Variants in ARHGAP42 observed in about 807,000 individuals in gnomAD.
The protein encoded by ARHGAP42 is rho GTPase-activating protein 42.
In ARHGAP42, 63 loss-of-function variants were observed where a neutral mutation model predicts 125.0. The ratio of observed to expected loss-of-function variants is 0.50; its 90% CI spans 0.41 to 0.62. ARHGAP42 has a LOEUF of 0.62. Among genes scored for constraint, ARHGAP42 ranks in the 20% least tolerant of loss-of-function variants. The probability of loss-of-function intolerance (pLI) is 0.00; values close to 1 mark genes in which losing one functional copy is unlikely to be tolerated. For missense variants in ARHGAP42, 766 were observed against 1,024.2 expected (o/e 0.75, Z 3.44); for synonymous variants, 339 against 351.0 (o/e 0.97, Z 0.38).
intron 3 of ARHGAP42, among the ~76,000 whole-genome samples, chr11:100,813,642 C>T (rs1328822041): frequency 2.6e-5 from 4 of 152,064 alleles, no homozygotes; most frequent in Admixed American, 2.0e-4. Context: ...CCAGGGTCCG[C>T]CATGTGGTTA....
In ARHGAP42 at chr11:100,687,595, C is replaced by A. The variant is rs1257021764; in HGVS notation, c.-84C>A. 4.2e-5 allele frequency: 47 copies of A among 1,123,190 alleles called. No homozygotes were observed. Among genetic ancestry groups the A allele is most frequent in the Non-Finnish European group, 5.1e-5 (46 of 903,528 alleles). 69.6% of individuals were successfully genotyped at this position (1,123,190 alleles called of 1,614,324 possible). On this transcript the variant is annotated 5_prime_UTR_variant, in exon 1 of 24. Coordinates refer to ENST00000298815, the MANE Select transcript of ARHGAP42 (RefSeq NM_152432.4). The stretch of plus-strand genomic sequence containing the variant: ...CGCCTTCCCCGCGATCGCGCGACCC[C>A]AGCGCCCGCCGCGGCCGCCGGCTGC...
chr11:100,948,145 T>C (rs541564980), intron 10 of ARHGAP42, among the ~76,000 whole-genome samples: 1 of 152,196 alleles, frequency 6.6e-6, no homozygotes, highest in South Asian at 2.1e-4. Flanking sequence ...TGTAACTTTT[T>C]CATCCTTTTT....
At chr11:100,731,861 G>T (rs1355073404) in intron 1 of ARHGAP42, among the ~76,000 whole-genome samples, 1 of 152,134 alleles carries the variant, frequency 6.6e-6, no homozygotes, top group Non-Finnish European at 1.5e-5. Flanking sequence ...CCATCTCAAA[G>T]AAAGTTGAAC....
intron 1 of ARHGAP42, among the ~76,000 whole-genome samples, chr11:100,692,690 C>T (rs1746812220): frequency 6.6e-6 from 1 of 152,178 alleles, no homozygotes; most frequent in Admixed American, 6.5e-5. Flanking sequence ...GTGGACAATG[C>T]AGTCAGTTAA....
chr11:100,900,360 T>C (rs1038326048), intron 4 of ARHGAP42, among the ~76,000 whole-genome samples: 1 of 152,210 alleles, frequency 6.6e-6, no homozygotes, highest in African/African-American at 2.4e-5. Context: ...CATTTCAACC[T>C]TGGTGAATCT....
chr11:100,967,664 G>A (rs1357615610), intron 17 of ARHGAP42, among the ~76,000 whole-genome samples: 2 of 152,074 alleles, frequency 1.3e-5, no homozygotes, highest in East Asian at 1.9e-4. Flanking sequence ...TGGGTACTCT[G>A]TTATTAGCTA....
intron 4 of ARHGAP42, among the ~76,000 whole-genome samples, chr11:100,866,307 C>T (rs182534727): frequency 6.6e-6 from 1 of 152,292 alleles, no homozygotes; most frequent in Admixed American, 6.5e-5. Context: ...CTTCAAACCC[C>T]ACCAAGTAAT....
chr11:100,916,654 A>C (rs1433035858), intron 5 of ARHGAP42, among the ~76,000 whole-genome samples: 1 of 152,182 alleles, frequency 6.6e-6, no homozygotes, highest in Non-Finnish European at 1.5e-5. Context: ...ATCATTCTTA[A>C]GGTAAATTTG....
At chr11:100,976,784 C>T (rs1858403666) in intron 20 of ARHGAP42, 31 bp from the exon 21 acceptor site, 1 of 1,548,002 alleles carries the variant, frequency 6.5e-7, no homozygotes, top group Non-Finnish European at 8.7e-7. Context: ...TCTAATAGCA[C>T]CTTGCCTATT....
chr11:100,734,916 A>G (rs780964323), intron 1 of ARHGAP42, among the ~76,000 whole-genome samples: 6 of 151,126 alleles, frequency 4.0e-5, no homozygotes, highest in Admixed American at 2.6e-4. Flanking sequence ...GTCAGTATAC[A>G]GATGTAGTTG....
At chr11:100,740,040 C>T (rs1393788842) in intron 1 of ARHGAP42, among the ~76,000 whole-genome samples, 2 of 150,578 alleles carry the variant, frequency 1.3e-5, no homozygotes, top group African/African-American at 4.9e-5. Flanking sequence ...TGGTGTCAGC[C>T]TGCAAGTTAA....
chr11:100,956,329 G>GC (rs1857803430), intron 12 of ARHGAP42, among the ~76,000 whole-genome samples: 1 of 152,118 alleles, frequency 6.6e-6, no homozygotes, highest in Admixed American at 6.6e-5. Flanking sequence ...AGTCTCAGAG[G>GC]CTGATGACAA....
chr11:100,847,819 G>T (rs1865105746), intron 3 of ARHGAP42, among the ~76,000 whole-genome samples: 1 of 152,126 alleles, frequency 6.6e-6, no homozygotes. Context: ...TGTTTTTGAG[G>T]TGTCCGTGGG....
intron 3 of ARHGAP42, among the ~76,000 whole-genome samples, chr11:100,846,009 A>ATTCTCCCTGCTGTATCCCCAGTGCTTC (rs1402793671): frequency 6.6e-6 from 1 of 152,170 alleles, no homozygotes; most frequent in Non-Finnish European, 1.5e-5. Context: ...TAGCATGCCT[A>ATTCTCCCTGCTGTATCCCCAGTGCTTC]TTCTCCCTGC....
rs756907650 is a variant in ARHGAP42, at chr11:100,992,609, G to GTATC, written c.*3809_*3812dup. 2 of 1,614,034 alleles carry GTATC rather than the reference G, an allele frequency of 1.2e-6. No individual in the cohort carries two copies. The highest frequency in any genetic ancestry group is 2.2e-5 in the South Asian group (2 of 91,070). ...TCTCAATTTCCTGAACACATTCACT[G>GTATC]TATCCCTCATTGTCACCGTTATCCC... On this transcript the variant is annotated 3_prime_UTR_variant, in exon 24 of 24. Coordinates refer to ENST00000298815, the MANE Select transcript of ARHGAP42 (RefSeq NM_152432.4).
chr11:100,921,231 ATATATATATATATATTTTTTTTTTTTTT>A (rs1867248694), intron 5 of ARHGAP42, among the ~76,000 whole-genome samples: 1 of 48,194 alleles, frequency 2.1e-5, no homozygotes, highest in Non-Finnish European at 3.6e-5. Flanking sequence ...ATATATATAT[ATATATATATATATATTTTTTTTTTTTTT>A]TTTTTTTTTT....
At chr11:100,917,015 TTGTG>T (rs6144479) in intron 5 of ARHGAP42, among the ~76,000 whole-genome samples, 6,362 of 149,558 alleles carry the variant, frequency 0.043, 175 homozygotes, top group East Asian at 0.1. Flanking sequence ...TAAAATAAGT[TTGTG>T]TGTGTGTGTG....
At chr11:100,729,812 T>C (rs1861923718) in intron 1 of ARHGAP42, among the ~76,000 whole-genome samples, 1 of 118,410 alleles carries the variant, frequency 8.4e-6, no homozygotes, top group Non-Finnish European at 1.8e-5. Context: ...AATTTCTTTC[T>C]TTTTTTTTTT....
At chr11:100,787,001 G>C (rs939121655) in intron 2 of ARHGAP42, among the ~76,000 whole-genome samples, 7 of 152,022 alleles carry the variant, frequency 4.6e-5, no homozygotes, top group Non-Finnish European at 8.8e-5. Context: ...AGTTTCGCTG[G>C]GTGTGGTGGC....
Sources: allele counts gnomAD v4.1 joint callset (sites outside exome capture counted in the v4.1 genomes callset), GRCh38; gene constraint gnomAD v4.1.1; transcripts MANE v1.5; gene names NCBI Gene and HGNC (gene_info 2026-07-23, HGNC 2026-07-21).